MAP3K2: variants seen among roughly 807,000 people sequenced by gnomAD.
The protein encoded by MAP3K2 is mitogen-activated protein kinase kinase kinase 2.
MAP3K2 carries 24 observed loss-of-function variants against 80.3 expected under a neutral mutation model. The ratio of observed to expected loss-of-function variants is 0.30; its 90% CI spans 0.22 to 0.42. The LOEUF is 0.42. MAP3K2 is among the 10% of genes least tolerant of loss of function. The probability of loss-of-function intolerance (pLI) is 1.00; values close to 1 mark genes in which losing one functional copy is unlikely to be tolerated. For missense variants in MAP3K2, 608 were observed against 750.1 expected, an observed-to-expected ratio of 0.81 and a Z score of 2.21; for synonymous variants, 244 against 253.7, an observed-to-expected ratio of 0.96 and a Z score of 0.36.
chr2:127,377,555 C>G (rs916522549), intron 1 of MAP3K2, among the ~76,000 whole-genome samples: 2 of 152,126 alleles, frequency 1.3e-5, no homozygotes, highest in African/African-American at 4.8e-5. Context: ...AACCTTTGCT[C>G]TAACTGGAAG....
Position 127,299,788 on chromosome 2 carries a change from T to C in MAP3K2, c.*7791A>G, listed in dbSNP as rs868644247. On this transcript the variant is annotated 3_prime_UTR_variant, in exon 17 of 17. Coordinates refer to ENST00000682094, the MANE Select transcript of MAP3K2 (RefSeq NM_001371910.2). Reference sequence around the variant, plus strand: ...TTAAAAATACTTTTGATCAGCCAGCTGAAAATATATTCATATAGTAAATAA... The same window carrying C: ...TTAAAAATACTTTTGATCAGCCAGCCGAAAATATATTCATATAGTAAATAA... 64 of 152,270 alleles carry C rather than the reference T, an allele frequency of 4.2e-4. No individual in the cohort carries two copies. The highest frequency in any genetic ancestry group is 1.5e-3 in the African/African-American group (64 of 41,580). 9.4% of individuals were successfully genotyped at this position (152,270 alleles called of 1,614,324 possible).
rs1685654946 is a variant in MAP3K2 at position 127,304,341 on chromosome 2, T to G, written c.*3238A>C. On this transcript the variant is annotated 3_prime_UTR_variant, in exon 17 of 17. Coordinates refer to ENST00000682094, the MANE Select transcript of MAP3K2 (RefSeq NM_001371910.2). ...CAAAATTTCCACTAGTCATTATGAT[T>G]TTTTTAACCCTTTTATTCAATACAA... The G allele has an allele frequency of 6.6e-6, 1 of 152,174 alleles. No homozygotes were observed. The highest frequency in any genetic ancestry group is 1.5e-5 in the Non-Finnish European group (1 of 68,016). The allele number at this position is 152,174 out of a possible 1,614,324, so 9.4% of individuals were successfully genotyped here.
intron 1 of MAP3K2, among the ~76,000 whole-genome samples, chr2:127,375,839 T>TGACTG (rs1191558677): frequency 4.7e-4 from 71 of 152,054 alleles, no homozygotes; most frequent in African/African-American, 1.5e-3. Flanking sequence ...ATAACCCCAG[T>TGACTG]GGGGTTCCTT....
intron 1 of MAP3K2, chr2:127,378,033 A>G (rs531572485): frequency 8.4e-6 from 2 of 237,216 alleles, no homozygotes; most frequent in South Asian, 3.1e-4. Flanking sequence ...AATATTTTTA[A>G]TAGATACTAG....
chr2:127,335,873 G>T lies in MAP3K2; in HGVS notation c.261C>A (p.Asn87Lys). Reference sequence around the variant, plus strand: ...AAGTTAAACTGTACATGTTTACCTCGTTATTGGTATAATGTAGATCCATAG... The same window carrying T: ...AAGTTAAACTGTACATGTTTACCTCTTTATTGGTATAATGTAGATCCATAG... ...GQSMDLHYTNNELVIPLTTQD... is the reference protein window; with the variant it reads ...GQSMDLHYTNKELVIPLTTQD... Residue 87 changes from asparagine (N) to lysine (K), a missense_variant, in exon 5 of 17, where the codon AAC becomes AAA. This residue lies in a region of MAP3K2 where 467 missense variants were observed against 521.9 expected (regional missense o/e 0.89). Transcript: ENST00000682094. 1 of 1,531,284 alleles carries T rather than the reference G, an allele frequency of 6.5e-7. No homozygotes were observed. Among genetic ancestry groups the T allele is most frequent in the Non-Finnish European group, 8.9e-7 (1 of 1,123,168 alleles). 94.9% of individuals were successfully genotyped at this position (1,531,284 alleles called of 1,614,324 possible). A position where few individuals can be genotyped will look rare whatever the true frequency, so the allele number is the denominator to read the frequency against.
At chr2:127,379,503 C>G (rs1163477456) in intron 1 of MAP3K2, among the ~76,000 whole-genome samples, 1 of 152,138 alleles carries the variant, frequency 6.6e-6, no homozygotes, top group African/African-American at 2.4e-5. Context: ...CCTTTATTTT[C>G]TTTATCTTTT....
chr2:127,363,163 G>A (rs1410719877), intron 1 of MAP3K2, among the ~76,000 whole-genome samples: 7 of 152,092 alleles, frequency 4.6e-5, no homozygotes, highest in African/African-American at 1.7e-4. Flanking sequence ...GGGGATTTTG[G>A]TATTTGTGGG....
intron 1 of MAP3K2, among the ~76,000 whole-genome samples, chr2:127,385,634 C>T (rs1687331276): frequency 6.6e-6 from 1 of 152,062 alleles, no homozygotes; most frequent in Non-Finnish European, 1.5e-5. Context: ...GGTCAAGATA[C>T]AAGTGGTTTA....
intron 1 of MAP3K2, among the ~76,000 whole-genome samples, chr2:127,385,713 T>A (rs1204939425): frequency 6.6e-6 from 1 of 152,148 alleles, no homozygotes; most frequent in African/African-American, 2.4e-5. Context: ...GGGAAATAGC[T>A]CCAATTCTAT....
intron 1 of MAP3K2, among the ~76,000 whole-genome samples, chr2:127,353,552 C>A (rs918175618): frequency 3.1e-5 from 3 of 95,350 alleles, no homozygotes; most frequent in East Asian, 3.1e-4. Context: ...GCAGCTGCCC[C>A]GTCCGGGAGG....
intron 1 of MAP3K2, among the ~76,000 whole-genome samples, chr2:127,369,468 T>TAAAAAA (rs70985451): frequency 3.1e-5 from 1 of 32,728 alleles, no homozygotes; most frequent in Non-Finnish European, 5.3e-5. Context: ...CCGTCTCTAC[T>TAAAAAA]AAAAAAAAAA....
At chr2:127,371,338 A>G (rs1687061292) in intron 1 of MAP3K2, among the ~76,000 whole-genome samples, 1 of 152,194 alleles carries the variant, frequency 6.6e-6, no homozygotes, top group South Asian at 2.1e-4. Flanking sequence ...CCGATGTACA[A>G]CAACTAATTT....
intron 15 of MAP3K2, among the ~76,000 whole-genome samples, chr2:127,311,473 A>G (rs890547828): frequency 3.3e-5 from 5 of 152,222 alleles, no homozygotes; most frequent in African/African-American, 1.2e-4. Flanking sequence ...GAAAACGGGT[A>G]GCCAGGCTCC....
chr2:127,384,342 T>G (rs370343228), intron 1 of MAP3K2, among the ~76,000 whole-genome samples: 3 of 152,136 alleles, frequency 2.0e-5, no homozygotes, highest in East Asian at 3.8e-4. Context: ...AAATACATTT[T>G]GTAAGGCTAT....
chr2:127,374,778 T>C (rs981274493), intron 1 of MAP3K2, among the ~76,000 whole-genome samples: 1 of 152,240 alleles, frequency 6.6e-6, no homozygotes, highest in Admixed American at 6.5e-5. Context: ...AAATTAAAAC[T>C]GATAATGGTC....
At chr2:127,353,587 C>A (rs1185483810) in intron 1 of MAP3K2, among the ~76,000 whole-genome samples, 1 of 150,916 alleles carries the variant, frequency 6.6e-6, no homozygotes, top group African/African-American at 2.4e-5. Context: ...CAGCCCCCCG[C>A]CTGGCCAGCC....
intron 1 of MAP3K2, among the ~76,000 whole-genome samples, chr2:127,346,725 T>C (rs1269804721): frequency 5.6e-5 from 8 of 143,920 alleles, no homozygotes; most frequent in Non-Finnish European, 9.2e-5. Context: ...CAGTGGCTCA[T>C]GCCTGTAATC....
intron 8 of MAP3K2, 40 bp from the exon 9 acceptor site, chr2:127,325,847 T>C (rs1283685146): frequency 2.1e-6 from 3 of 1,400,866 alleles, no homozygotes; most frequent in Non-Finnish European, 3.0e-6. Flanking sequence ...CAATTTGATA[T>C]AACCAAAAGT....
intron 1 of MAP3K2, among the ~76,000 whole-genome samples, chr2:127,372,898 G>A (rs1425512408): frequency 2.0e-5 from 3 of 152,286 alleles, no homozygotes; most frequent in South Asian, 2.1e-4. Flanking sequence ...GGAGACTTTT[G>A]CACGACTTAT....
Sources: gnomAD v4.1 joint callset for allele counts (sites outside exome capture counted in the v4.1 genomes callset) on GRCh38, gnomAD v4.1.1 for gene constraint, gnomAD v4.1.1 regional missense constraint, MANE v1.5 for transcripts, NCBI Gene and HGNC (gene_info 2026-07-23, HGNC 2026-07-21) for gene names.